ANXA5: variants seen among roughly 807,000 people sequenced by gnomAD.
ANXA5 encodes annexin A5.
In ANXA5, 40 loss-of-function variants were observed where a neutral mutation model predicts 48.1. The observed-to-expected ratio is 0.83, with a 90% confidence interval of 0.65 to 1.08. ANXA5 has a LOEUF of 1.08. Ranked by LOEUF, ANXA5 falls within the 50% of genes least tolerant of loss-of-function variation. The pLI is 0.00. For missense variants in ANXA5, 357 were observed against 376.8 expected, an observed-to-expected ratio of 0.95 and a Z score of 0.44; for synonymous variants, 113 against 129.1, an observed-to-expected ratio of 0.88 and a Z score of 0.85.
At chr4:121,684,932 C>T (rs1157913697) in intron 3 of ANXA5, among the ~76,000 whole-genome samples, 161 bp from the exon 4 acceptor site, 1 of 151,386 alleles carries the variant, frequency 6.6e-6, no homozygotes, top group Non-Finnish European at 1.5e-5. Context: ...GTAATCCTAG[C>T]TCTTTGGGAG....
chr4:121,670,689 C>CT (rs951053135), intron 10 of ANXA5, among the ~76,000 whole-genome samples: 2 of 152,104 alleles, frequency 1.3e-5, no homozygotes, highest in Admixed American at 1.3e-4. Context: ...TTAATTCTCC[C>CT]TTTTCTAAGT....
Position 121,668,230 on chromosome 4 carries a change from G to C in ANXA5, c.*238C>G, listed in dbSNP as rs1724552934. The C allele has an allele frequency of 5.6e-6, 2 of 359,986 alleles. No homozygotes were observed. Among genetic ancestry groups the C allele is most frequent in the South Asian group, 1.8e-4 (2 of 10,896 alleles). 22.3% of individuals were successfully genotyped at this position (359,986 alleles called of 1,614,324 possible). A position where few individuals can be genotyped will look rare whatever the true frequency, so the allele number is the denominator to read the frequency against. On this transcript the variant is annotated 3_prime_UTR_variant, in exon 13 of 13. Coordinates refer to ENST00000296511, the MANE Select transcript of ANXA5 (RefSeq NM_001154.4). ...AATATATATAAATGGAAAATGGCCA[G>C]GCATTAAACTTAGTAACATTAAGTA...
chr4:121,683,431 T>G lies in ANXA5; in HGVS notation c.236A>C (p.Lys79Thr). 2 of 1,611,648 alleles carry G rather than the reference T, an allele frequency of 1.2e-6. No homozygotes were observed. Among genetic ancestry groups the G allele is most frequent in the Non-Finnish European group, 1.7e-6 (2 of 1,178,596 alleles). Reference sequence around the variant, plus strand: ...GGGTTTCATCAGAGCCACAATTAATTTTTCAAATTTTCCAGTTAGTTCTGA... The same window carrying G: ...GGGTTTCATCAGAGCCACAATTAATGTTTCAAATTTTCCAGTTAGTTCTGA... ...LKSELTGKFEKLIVALMKPSR... is the reference protein window; with the variant it reads ...LKSELTGKFETLIVALMKPSR... Residue 79 changes from lysine to threonine, a missense_variant, in exon 5 of 13, where the codon AAA (lysine) becomes ACA (threonine). Coordinates refer to ENST00000296511, the MANE Select transcript of ANXA5 (RefSeq NM_001154.4).
chr4:121,686,531 T>C (rs13120425), intron 2 of ANXA5, among the ~76,000 whole-genome samples, 159 bp from the exon 3 acceptor site: 66,621 of 151,988 alleles, frequency 0.44, 16,192 homozygotes, highest in East Asian at 0.73. Flanking sequence ...AAGGGAACCA[T>C]TTACAATGGG....
At chr4:121,696,437 A>T in intron 2 of ANXA5, 144 bp downstream of exon 2, 1 of 764,328 alleles carries the variant, frequency 1.3e-6, no homozygotes, top group Non-Finnish European at 1.8e-6. Context: ...GCAAAGGGGG[A>T]ACAAGAAAAG....
chr4:121,672,613 G>T lies in ANXA5; in HGVS notation c.545C>A (p.Ala182Asp), dbSNP rs1341781448. ...VEQDAQALFQ[A>D]GELKWGTDEE... ...ATCTGTCCCCCATTTAAGTTCTCCA[G>T]CCTGAAATAAAGCCTGCAAAAATTT... The change falls in exon 9 of 13, where the codon GCT becomes GAT. Residue 182 changes from alanine (A) to aspartate (D), a missense_variant. Coordinates refer to ENST00000296511, the MANE Select transcript of ANXA5 (RefSeq NM_001154.4). 5 of 1,613,230 alleles carry T rather than the reference G, an allele frequency of 3.1e-6. No homozygotes were observed. The Admixed American group carries it at 8.3e-5, about 27-fold the overall frequency.
intron 6 of ANXA5, among the ~76,000 whole-genome samples, chr4:121,680,708 C>T (rs1022210733): frequency 6.6e-6 from 1 of 152,146 alleles, no homozygotes; most frequent in Non-Finnish European, 1.5e-5. Context: ...CTCTCATCAA[C>T]GTCAACATCC....
rs1421732640 is a variant in ANXA5 at position 121,681,005 on chromosome 4, A to T, written c.394+666T>A. 3.3e-5 allele frequency among the ~76,000 whole-genome samples: 5 copies of T among 152,194 alleles called. No individual in the cohort carries two copies. The South Asian group carries it at 8.3e-4, about 25-fold the overall frequency. ...TGTTGACTGAGCTGAGAAACTGGAT[A>T]GTCTGACCCTCCTCAGTCAGGCAGG... On this transcript the variant is annotated intron_variant, in intron 6 of 12. Transcript: ENST00000296511.
At chr4:121,679,933 T>C (rs1041262184) in intron 6 of ANXA5, among the ~76,000 whole-genome samples, 1 of 152,154 alleles carries the variant, frequency 6.6e-6, no homozygotes, top group African/African-American at 2.4e-5. Context: ...TTCAAGCATA[T>C]AATAGTTATA....
intron 3 of ANXA5, among the ~76,000 whole-genome samples, chr4:121,685,100 A>C (rs1298343499): frequency 6.6e-6 from 1 of 151,602 alleles, no homozygotes; most frequent in African/African-American, 2.4e-5. Flanking sequence ...ACGCAAATAC[A>C]CACATATATA....
At chr4:121,673,255 GA>G (rs932804362) in intron 8 of ANXA5, among the ~76,000 whole-genome samples, 10 of 152,242 alleles carry the variant, frequency 6.6e-5, no homozygotes, top group Admixed American at 2.6e-4. Context: ...TTGACATGGG[GA>G]AAAAATATGC....
At chr4:121,669,171 T>C (rs542981826) in intron 12 of ANXA5, 1 of 158,158 alleles carries the variant, frequency 6.3e-6, no homozygotes, top group East Asian at 1.9e-4. Context: ...ACTCCCAATA[T>C]GACCTGGTTG....
chr4:121,683,354 T>A lies in ANXA5; in HGVS notation c.303+10A>T. On this transcript the variant is annotated intron_variant, in intron 5 of 12. Transcript: ENST00000296511. The stretch of plus-strand genomic sequence containing the variant: ...TATGCAAGAATGTTCCTTTCACTCA[T>A]CCTTTTTACCTTCAAGGCATGTTTC... 6.5e-7 allele frequency: 1 copy of A among 1,532,756 alleles called. No homozygotes were observed. Among genetic ancestry groups the A allele is most frequent in the South Asian group, 1.2e-5 (1 of 86,296 alleles). The allele number at this position is 1,532,756 out of a possible 1,614,324, so 94.9% of individuals were successfully genotyped here. A position where few individuals can be genotyped will look rare whatever the true frequency, so the allele number is the denominator to read the frequency against.
intron 8 of ANXA5, among the ~76,000 whole-genome samples, chr4:121,672,967 T>C (rs1317626808): frequency 1.3e-5 from 2 of 152,238 alleles, no homozygotes; most frequent in African/African-American, 4.8e-5. Flanking sequence ...TCACTGTTGA[T>C]ACATCCATGT....
chr4:121,671,915 C>A (rs1216134577), intron 9 of ANXA5, among the ~76,000 whole-genome samples: 5 of 152,156 alleles, frequency 3.3e-5, no homozygotes, highest in African/African-American at 1.2e-4. Context: ...TCCTCACTTA[C>A]AAAAAGTGAT....
chr4:121,677,964 T>G lies in ANXA5; in HGVS notation c.475-14A>C. On this transcript the variant is annotated splice_polypyrimidine_tract_variant and intron_variant, in intron 7 of 12. Coordinates refer to ENST00000296511, the MANE Select transcript of ANXA5 (RefSeq NM_001154.4). ...GTCTCTGTTAGCCTATGAGAGGTAA[T>G]ATGTCACATTACTGAACTATAGAGC... is the stretch of plus-strand genomic sequence containing the variant. The G allele has an allele frequency of 6.2e-7, 1 of 1,609,796 alleles. No individual in the cohort carries two copies. Among genetic ancestry groups the G allele is most frequent in the Non-Finnish European group, 8.5e-7 (1 of 1,176,286 alleles).
chr4:121,672,504 T>C (rs935332046), intron 9 of ANXA5, 29 bp downstream of exon 9: 3 of 1,532,040 alleles, frequency 2.0e-6, no homozygotes, highest in Middle Eastern at 3.4e-4. Context: ...TACCAATGTA[T>C]CTGCCCCATA....
At chr4:121,684,148 T>G (rs1011260532) in intron 4 of ANXA5, among the ~76,000 whole-genome samples, 7 of 152,208 alleles carry the variant, frequency 4.6e-5, no homozygotes, top group African/African-American at 1.7e-4. Flanking sequence ...ATAACAAGAC[T>G]ACATTTAAGT....
chr4:121,678,641 T>G, intron 6 of ANXA5, 147 bp from the exon 7 acceptor site: 1 of 691,690 alleles, frequency 1.4e-6, no homozygotes. Flanking sequence ...CTGAATGCTC[T>G]AAGCAAATGC....
Sources: gnomAD v4.1 joint callset for allele counts (sites outside exome capture counted in the v4.1 genomes callset) on GRCh38, gnomAD v4.1.1 for gene constraint, MANE v1.5 for transcripts, NCBI Gene and HGNC (gene_info 2026-07-23, HGNC 2026-07-21) for gene names.